TNFSF10: variants seen among roughly 807,000 people sequenced by gnomAD.
TNFSF10 encodes the protein TNF superfamily member 10.
TNFSF10 carries 13 observed loss-of-function variants against 29.5 expected under a neutral mutation model. The observed-to-expected ratio is 0.44, with a 90% CI of 0.29 to 0.70. The LOEUF is 0.70. TNFSF10 is among the 30% of genes least tolerant of loss of function. The pLI, the probability that TNFSF10 is intolerant of heterozygous loss-of-function variation, is 0.13. For synonymous variants in TNFSF10, 111 were observed against 112.8 expected, an observed-to-expected ratio of 0.98 and a Z score of 0.10; for missense variants, 345 against 330.9, an observed-to-expected ratio of 1.04 and a Z score of -0.33.
chr3:172,520,654 A>G (rs1033365892), intron 1 of TNFSF10, among the ~76,000 whole-genome samples: 2 of 152,198 alleles, frequency 1.3e-5, no homozygotes, highest in Non-Finnish European at 2.9e-5. Flanking sequence ...GTGAACCACA[A>G]GTATTAGTAT....
chr3:172,519,548 A>C (rs1173124502), intron 1 of TNFSF10, among the ~76,000 whole-genome samples: 1 of 152,210 alleles, frequency 6.6e-6, no homozygotes, highest in South Asian at 2.1e-4. Context: ...TCTCGTGTAG[A>C]CTTAAAGCTA....
Position 172,509,265 on chromosome 3 carries a change from C to A in TNFSF10, c.370G>T (p.Ala124Ser), listed in dbSNP as rs1713121353. The change falls in exon 4 of 5, where the codon GCT becomes TCT. Residue 124 changes from alanine (A) to serine (S), a missense_variant. Coordinates refer to ENST00000241261, the MANE Select transcript of TNFSF10 (RefSeq NM_003810.4). Reference sequence around the variant, plus strand: ...CTTCCTCTGGTCCCAGTTATGTGAGCTGCTACTCTCTGAGGACCTCTTTCT... The same window carrying A: ...CTTCCTCTGGTCCCAGTTATGTGAGATGCTACTCTCTGAGGACCTCTTTCT... Reference protein sequence around the residue: ...VRERGPQRVAAHITGTRGRSN... With the variant: ...VRERGPQRVASHITGTRGRSN... 9 of 1,613,798 alleles carry A rather than the reference C, an allele frequency of 5.6e-6. No homozygotes were observed. Among genetic ancestry groups the A allele is most frequent in the Non-Finnish European group, 7.6e-6 (9 of 1,179,924 alleles).
chr3:172,506,873 T>A lies in TNFSF10; in HGVS notation c.465A>T (p.Glu155Asp). The stretch of plus-strand genomic sequence containing the variant: ...GGAATGAATGCCCACTCCTTGATGA[T>A]TCCCAGGAGTTTATTTTGCGGCCCA... The part of the protein sequence containing the change: ...KALGRKINSW[E>D]SSRSGHSFLS... Residue 155 changes from glutamate (E) to aspartate (D), a missense_variant, in exon 5 of 5, where the codon GAA becomes GAT. Coordinates refer to ENST00000241261, the MANE Select transcript of TNFSF10 (RefSeq NM_003810.4). The A allele has an allele frequency of 6.2e-7, 1 of 1,613,718 alleles. No individual in the cohort carries two copies. Among genetic ancestry groups the A allele is most frequent in the Non-Finnish European group, 8.5e-7 (1 of 1,179,890 alleles).
chr3:172,513,149 G>A (rs138998554), intron 2 of TNFSF10, among the ~76,000 whole-genome samples: 86 of 152,286 alleles, frequency 5.6e-4, no homozygotes, highest in Non-Finnish European at 6.8e-4. Flanking sequence ...ATGGGAGGGA[G>A]AATGGCAGGA....
At chr3:172,518,532 C>T (rs971458625) in intron 1 of TNFSF10, 10 of 1,196,474 alleles carry the variant, frequency 8.4e-6, no homozygotes, top group Non-Finnish European at 1.1e-5. Context: ...TTTTTCCTCC[C>T]CATCTATGAT....
In TNFSF10 at chr3:172,506,377, G is replaced by T; in HGVS notation, c.*115C>A. 6.0e-6 allele frequency: 8 copies of T among 1,336,262 alleles called. No homozygotes were observed. The highest frequency in any genetic ancestry group is 4.5e-5 in the African/African-American group (3 of 67,186). The allele number at this position is 1,336,262 out of a possible 1,614,324, so 82.8% of individuals were successfully genotyped here. A position where few individuals can be genotyped will look rare whatever the true frequency, so the allele number is the denominator to read the frequency against. ...ACTCAGATTGCATAGAGGTTTTTTT[G>T]TTTTCTGTTTTCTGTTTGTTTGTTT... On this transcript the variant is annotated 3_prime_UTR_variant, in exon 5 of 5. Coordinates refer to ENST00000241261, the MANE Select transcript of TNFSF10 (RefSeq NM_003810.4).
chr3:172,518,304 C>G (rs917351162), intron 1 of TNFSF10: 2 of 1,208,592 alleles, frequency 1.7e-6, no homozygotes, highest in African/African-American at 1.6e-5. Context: ...GGTGACTGCT[C>G]TTGGTGCTGT....
At chr3:172,507,843 G>A (rs535879373) in intron 4 of TNFSF10, among the ~76,000 whole-genome samples, 4 of 152,108 alleles carry the variant, frequency 2.6e-5, no homozygotes, top group Admixed American at 6.6e-5. Flanking sequence ...ACAAATTTAC[G>A]GGATAAAGCC....
chr3:172,507,004 A>G (rs1713018055), intron 4 of TNFSF10, 85 bp from the exon 5 acceptor site: 1 of 1,264,786 alleles, frequency 7.9e-7, no homozygotes, highest in Non-Finnish European at 1.1e-6. Flanking sequence ...TGGCCAGCCT[A>G]TATTTTTGTT....
At chr3:172,516,669 G>T (rs1203440446) in intron 1 of TNFSF10, among the ~76,000 whole-genome samples, 1 of 152,196 alleles carries the variant, frequency 6.6e-6, no homozygotes, top group Non-Finnish European at 1.5e-5. Context: ...AGTTGGAGGT[G>T]AAGCTGGGGC....
chr3:172,511,661 TGCAA>T lies in TNFSF10; in HGVS notation c.271-6_271-3del. 2 of 1,611,312 alleles carry T rather than the reference TGCAA, an allele frequency of 1.2e-6. No individual in the cohort carries two copies. On this transcript the variant is annotated splice_polypyrimidine_tract_variant and splice_region_variant and intron_variant, in intron 2 of 4. Coordinates refer to ENST00000241261, the MANE Select transcript of TNFSF10 (RefSeq NM_003810.4). ...TTCCTCAGAGGTTCTCAAAATCATC[TGCAA>T]ATATTATTGAATAAAGCTTGTTAAT...
At chr3:172,514,134 C>T (rs1005234804) in intron 2 of TNFSF10, among the ~76,000 whole-genome samples, 2 of 152,140 alleles carry the variant, frequency 1.3e-5, no homozygotes, top group East Asian at 1.9e-4. Flanking sequence ...CCACTACACC[C>T]GGCTGCAAAT....
intron 1 of TNFSF10, chr3:172,517,534 A>G: frequency 1.0e-6 from 1 of 985,362 alleles, no homozygotes; most frequent in Non-Finnish European, 1.2e-6. Context: ...CCCTCCAAAA[A>G]CTAAATAAGT....
intron 4 of TNFSF10, among the ~76,000 whole-genome samples, chr3:172,508,610 C>T (rs1486055037): frequency 1.3e-5 from 2 of 152,106 alleles, no homozygotes; most frequent in African/African-American, 4.8e-5. Flanking sequence ...GAGAGAAAGG[C>T]TGGGTGCAGT....
chr3:172,506,368 G>T lies in TNFSF10; in HGVS notation c.*124C>A. ...GGCTGCTCTACTCAGATTGCATAGA[G>T]GTTTTTTTGTTTTCTGTTTTCTGTT... On this transcript the variant is annotated 3_prime_UTR_variant, in exon 5 of 5. Coordinates refer to ENST00000241261, the MANE Select transcript of TNFSF10 (RefSeq NM_003810.4). 1 of 1,254,206 alleles carries T rather than the reference G, an allele frequency of 8.0e-7. No homozygotes were observed. The highest frequency in any genetic ancestry group is 1.1e-6 in the Non-Finnish European group (1 of 923,602). The allele number at this position is 1,254,206 out of a possible 1,614,324, so 77.7% of individuals were successfully genotyped here.
At chr3:172,520,066 G>A (rs184896290) in intron 1 of TNFSF10, among the ~76,000 whole-genome samples, 28 of 152,336 alleles carry the variant, frequency 1.8e-4, no homozygotes, top group Admixed American at 5.9e-4. Flanking sequence ...AGTGGTTGTG[G>A]TGGTGGGGGG....
rs145496528 is a variant in TNFSF10 at position 172,506,612 on chromosome 3, G to C, written c.726C>G (p.Ile242Met). 7.6e-5 allele frequency: 122 copies of C among 1,614,138 alleles called. No homozygotes were observed. In the African/African-American group the frequency reaches 1.5e-3, roughly 19 times the overall value. ...TAAGCTCAAATATTCCCCCTTGATAGATGGAATAGAGTCCATATTCTGCAT... is the reference window on the plus strand; with the variant it reads ...TAAGCTCAAATATTCCCCCTTGATACATGGAATAGAGTCCATATTCTGCAT... Reference protein sequence around the residue: ...SKDAEYGLYSIYQGGIFELKE... With the variant: ...SKDAEYGLYSMYQGGIFELKE... Residue 242 changes from isoleucine to methionine, a missense_variant, in exon 5 of 5, where the codon ATC becomes ATG. By Grantham distance (10) the Ile-to-Met change is conservative. Coordinates refer to ENST00000241261, the MANE Select transcript of TNFSF10 (RefSeq NM_003810.4).
chr3:172,510,842 G>A (rs1027309054), intron 3 of TNFSF10, among the ~76,000 whole-genome samples: 2 of 152,216 alleles, frequency 1.3e-5, no homozygotes, highest in Middle Eastern at 6.8e-3. Context: ...AAATGGGGGT[G>A]CCAAGTGATG....
intron 1 of TNFSF10, among the ~76,000 whole-genome samples, chr3:172,519,229 CAT>C (rs1713573138): frequency 6.6e-6 from 1 of 152,192 alleles, no homozygotes; most frequent in Non-Finnish European, 1.5e-5. Flanking sequence ...GCCTAATGTA[CAT>C]GTGTTCATAT....
Sources: allele counts gnomAD v4.1 joint callset (sites outside exome capture counted in the v4.1 genomes callset), GRCh38; gene constraint gnomAD v4.1.1; transcripts MANE v1.5; gene names NCBI Gene and HGNC (gene_info 2026-07-23, HGNC 2026-07-21).